The following FRAS1 variants were observed in gnomAD, a reference collection of about 807,000 sequenced individuals.
The protein encoded by FRAS1 is Fraser extracellular matrix complex subunit 1.
A neutral mutation model predicts 435.2 loss-of-function variants in FRAS1; 290 were observed. The observed-to-expected ratio is 0.67, with a 90% confidence interval of 0.61 to 0.73. The LOEUF is 0.73. Ranked by LOEUF, FRAS1 falls within the 30% of genes least tolerant of loss-of-function variation. The probability of loss-of-function intolerance (pLI) is 0.00; values close to 1 mark genes in which losing one functional copy is unlikely to be tolerated. For synonymous variants in FRAS1, 1,800 were observed against 1,851.0 expected (o/e 0.97, Z 0.71); for missense variants, 4,860 against 5,001.5 (o/e 0.97, Z 0.85).
Position 78,282,891 on chromosome 4 carries a change from G to T in FRAS1, c.1179G>T (p.Glu393Asp). 6.2e-7 allele frequency: 1 copy of T among 1,612,392 alleles called. No homozygotes were observed. The highest frequency in any genetic ancestry group is 8.5e-7 in the Non-Finnish European group (1 of 1,179,458). ...GAGGGGCTCAGGTAACTTGCTACGA[G>T]CCCTCTTGCCCACCATGTCCAGTGG... ...ECRGAQVTCY[E>D]PSCPPCPVGT... The change falls in exon 12 of 74, where the codon GAG becomes GAT. Residue 393 changes from glutamate (E) to aspartate (D), a missense_variant. By Grantham distance (45) the Glu-to-Asp change is conservative. Transcript: ENST00000512123.
intron 29 of FRAS1, among the ~76,000 whole-genome samples, chr4:78,392,378 T>G (rs1048187607): frequency 6.6e-6 from 1 of 152,274 alleles, no homozygotes; most frequent in South Asian, 2.1e-4. Flanking sequence ...AAAACTTTTA[T>G]CTTGAATATT....
chr4:78,075,495 A>C (rs1424663022), intron 2 of FRAS1, among the ~76,000 whole-genome samples: 1 of 152,146 alleles, frequency 6.6e-6, no homozygotes, highest in East Asian at 1.9e-4. Flanking sequence ...CTATAATCAG[A>C]TATTGAACTC....
chr4:78,160,636 AT>A (rs1241478690), intron 2 of FRAS1, among the ~76,000 whole-genome samples: 1 of 152,206 alleles, frequency 6.6e-6, no homozygotes, highest in Non-Finnish European at 1.5e-5. Flanking sequence ...AAGTGGTAGA[AT>A]TTTAATGTTT....
At chr4:78,122,045 G>C (rs897265636) in intron 2 of FRAS1, among the ~76,000 whole-genome samples, 1 of 152,106 alleles carries the variant, frequency 6.6e-6, no homozygotes, top group Non-Finnish European at 1.5e-5. Context: ...TGTTACATAG[G>C]TATACACGTG....
chr4:78,515,712 A>G, intron 65 of FRAS1, 87 bp from the exon 66 acceptor site: 1 of 1,205,584 alleles, frequency 8.3e-7, no homozygotes, highest in Non-Finnish European at 1.2e-6. Flanking sequence ...AAGTGCTTTT[A>G]GTGCAAAAGG....
At chr4:78,442,394 C>A (rs1734695482) in intron 41 of FRAS1, among the ~76,000 whole-genome samples, 1 of 152,184 alleles carries the variant, frequency 6.6e-6, no homozygotes, top group African/African-American at 2.4e-5. Flanking sequence ...GTAAGTAGGA[C>A]AAAGCAATGG....
intron 35 of FRAS1, 31 bp from the exon 36 acceptor site, chr4:78,429,064 C>T: frequency 9.7e-7 from 1 of 1,028,790 alleles, no homozygotes; most frequent in East Asian, 2.9e-5. Flanking sequence ...GTGTGTGTGT[C>T]TCTGTGTGTG....
In FRAS1 at chr4:78,195,734, T is replaced by C. The variant is rs530910487; in HGVS notation, c.109-41776T>C. ...CCTTGCGCTTCCCCGGATGAGGCAA[T>C]GCCTCACCCTGCTTCGGCTCACACT... On this transcript the variant is annotated intron_variant, in intron 2 of 73. Coordinates refer to ENST00000512123, the MANE Select transcript of FRAS1 (RefSeq NM_025074.7). Among the ~76,000 whole-genome samples the C allele has an allele frequency of 5.3e-5, 8 of 152,252 alleles. No homozygotes were observed. In the East Asian group the frequency reaches 1.5e-3, roughly 29 times the overall value.
intron 2 of FRAS1, among the ~76,000 whole-genome samples, chr4:78,155,595 G>T (rs1023974661): frequency 1.3e-5 from 2 of 152,136 alleles, no homozygotes; most frequent in Non-Finnish European, 2.9e-5. Flanking sequence ...ACAGAAACCC[G>T]TGGCATTCTA....
chr4:78,319,695 G>A (rs887837510), intron 18 of FRAS1: 2 of 232,558 alleles, frequency 8.6e-6, no homozygotes, highest in Admixed American at 9.8e-5. Context: ...TAATATCTGA[G>A]TCTTTTTTCA....
At chr4:78,267,976 T>C (rs1295643627) in intron 9 of FRAS1, among the ~76,000 whole-genome samples, 4 of 152,266 alleles carry the variant, frequency 2.6e-5, no homozygotes, top group Admixed American at 2.6e-4. Context: ...TAACCTCTGC[T>C]GTCTGCAGAA....
chr4:78,448,779 A>C (rs1464004065), intron 44 of FRAS1, among the ~76,000 whole-genome samples: 1 of 152,210 alleles, frequency 6.6e-6, no homozygotes. Flanking sequence ...AATAATTGAG[A>C]ATTATCAGAT....
chr4:78,255,112 A>C (rs1725730010), intron 5 of FRAS1, 130 bp from the exon 6 acceptor site: 1 of 845,304 alleles, frequency 1.2e-6, no homozygotes, highest in Non-Finnish European at 2.0e-6. Flanking sequence ...AGAGCATTGA[A>C]CACCAAATGC....
At chr4:78,066,132 G>GT in intron 2 of FRAS1, 116 bp downstream of exon 2, 1 of 759,666 alleles carries the variant, frequency 1.3e-6, no homozygotes, top group Non-Finnish European at 2.3e-6. Flanking sequence ...TTTCTTCAAC[G>GT]TTTGACAATT....
chr4:78,402,418 G>A (rs969948891), intron 30 of FRAS1, among the ~76,000 whole-genome samples: 6 of 152,030 alleles, frequency 3.9e-5, no homozygotes, highest in Admixed American at 2.6e-4. Context: ...ATTATAAAAT[G>A]GTCAGTCTAG....
At chr4:78,115,780 G>C (rs948239930) in intron 2 of FRAS1, among the ~76,000 whole-genome samples, 7 of 151,838 alleles carry the variant, frequency 4.6e-5, no homozygotes, top group Admixed American at 6.6e-5. Context: ...CAAAAAATCA[G>C]CTCCTGGATT....
rs397994139 is a variant in FRAS1 at position 78,521,645 on chromosome 4, GTT to G, written c.10648+24_10648+25del. 291 of 1,366,118 alleles carry G rather than the reference GTT, an allele frequency of 2.1e-4. 1 individual carries two copies. The highest frequency in any genetic ancestry group is 2.7e-4 in the African/African-American group (18 of 67,650). The allele number at this position is 1,366,118 out of a possible 1,614,324, so 84.6% of individuals were successfully genotyped here. A position where few individuals can be genotyped will look rare whatever the true frequency, so the allele number is the denominator to read the frequency against. On this transcript the variant is annotated intron_variant, in intron 68 of 73. Coordinates refer to ENST00000512123, the MANE Select transcript of FRAS1 (RefSeq NM_025074.7). ...CAAATTCAGAGGTAATATCAATGCC[GTT>G]TTTTTTTTCCAACTTTTTATTAAGA...
At chr4:78,208,380 A>G (rs1175263134) in intron 2 of FRAS1, among the ~76,000 whole-genome samples, 1 of 152,196 alleles carries the variant, frequency 6.6e-6, no homozygotes, top group East Asian at 1.9e-4. Context: ...ATGACAAAGC[A>G]AGGTGCTTTA....
chr4:78,060,898 G>A (rs935324765), intron 1 of FRAS1, among the ~76,000 whole-genome samples: 7 of 151,936 alleles, frequency 4.6e-5, no homozygotes, highest in Non-Finnish European at 1.0e-4. Context: ...CCAGGCTAGA[G>A]TGCAGTGGTG....
Sources: allele counts gnomAD v4.1 joint callset (sites outside exome capture counted in the v4.1 genomes callset), GRCh38; gene constraint gnomAD v4.1.1; transcripts MANE v1.5; gene names NCBI Gene and HGNC (gene_info 2026-07-23, HGNC 2026-07-21).